The following WWP2 variants were observed in gnomAD, a reference collection of about 807,000 sequenced individuals.
WWP2 encodes NEDD4-like E3 ubiquitin-protein ligase WWP2.
A neutral mutation model predicts 121.0 loss-of-function variants in WWP2; 57 were observed. The ratio of observed to expected loss-of-function variants is 0.47; its 90% CI spans 0.38 to 0.59. WWP2 has a LOEUF of 0.59. Among genes scored for constraint, WWP2 ranks in the 20% least tolerant of loss-of-function variants. WWP2 has a pLI of 0.00. For synonymous variants in WWP2, 449 were observed against 441.3 expected (o/e 1.02, Z -0.22); for missense variants, 962 against 1,158.9 (o/e 0.83, Z 2.47).
chr16:69,826,664 G>A (rs901380017), intron 4 of WWP2, among the ~76,000 whole-genome samples: 5 of 149,692 alleles, frequency 3.3e-5, no homozygotes, highest in African/African-American at 1.2e-4. Context: ...TGGATCACGA[G>A]GTCAGGAGAT....
At chr16:69,790,360 G>A (rs1386692250) in intron 2 of WWP2, among the ~76,000 whole-genome samples, 1 of 152,066 alleles carries the variant, frequency 6.6e-6, no homozygotes, top group Non-Finnish European at 1.5e-5. Flanking sequence ...TCATAAGGAG[G>A]AAAAAAATTT....
intron 4 of WWP2, among the ~76,000 whole-genome samples, chr16:69,839,816 C>G (rs941067145): frequency 1.3e-5 from 2 of 152,186 alleles, no homozygotes; most frequent in Non-Finnish European, 2.9e-5. Flanking sequence ...ATCAATATCC[C>G]TATGCTTTTC....
intron 2 of WWP2, among the ~76,000 whole-genome samples, chr16:69,798,163 G>T (rs951822761): frequency 2.6e-5 from 4 of 152,176 alleles, no homozygotes; most frequent in African/African-American, 9.7e-5. Flanking sequence ...ACCTTTCTTG[G>T]AAAGGAATGG....
intron 6 of WWP2, among the ~76,000 whole-genome samples, chr16:69,853,825 G>T (rs2057263083): frequency 6.6e-6 from 1 of 152,210 alleles, no homozygotes; most frequent in Non-Finnish European, 1.5e-5. Context: ...CTACTGTGCT[G>T]TCATTCATGG....
At chr16:69,908,321 A>T (rs372849011) in intron 8 of WWP2, among the ~76,000 whole-genome samples, 13 of 152,142 alleles carry the variant, frequency 8.5e-5, no homozygotes, top group African/African-American at 3.1e-4. Context: ...GGGCCTATAG[A>T]TGATCTTGTG....
rs990323747 is a variant in WWP2 at position 69,925,602 on chromosome 16, T to C, written c.1234+118T>C. ...CCCTCTGTTTTCCATCTCTCCCCTC[T>C]CCAGCACACTCTCTGGGCATGCCCC... On this transcript the variant is annotated intron_variant, in intron 11 of 23. Coordinates refer to ENST00000359154, the MANE Select transcript of WWP2 (RefSeq NM_001270454.2). This position sits in a 1 kb window ranked among gnomAD's most constrained non-coding sequence, Gnocchi z 4.0. The C allele has an allele frequency of 3.0e-6, 4 of 1,319,732 alleles. No homozygotes were observed. Among genetic ancestry groups the C allele is most frequent in the Non-Finnish European group, 4.1e-6 (4 of 966,556 alleles). The allele number at this position is 1,319,732 out of a possible 1,614,324, so 81.8% of individuals were successfully genotyped here. A position where few individuals can be genotyped will look rare whatever the true frequency, so the allele number is the denominator to read the frequency against.
intron 4 of WWP2, 116 bp from the exon 5 acceptor site, chr16:69,840,010 G>A (rs2151870653): frequency 6.9e-7 from 1 of 1,439,962 alleles, no homozygotes; most frequent in African/African-American, 1.4e-5. Flanking sequence ...GTGAAGATGT[G>A]GAGAAAGCAT....
Position 69,799,077 on chromosome 16 carries a change from C to A in WWP2, c.219-97C>A. 6.6e-7 allele frequency: 1 copy of A among 1,526,306 alleles called. No homozygotes were observed. The highest frequency in any genetic ancestry group is 1.8e-4 in the Middle Eastern group (1 of 5,632). 94.5% of individuals were successfully genotyped at this position (1,526,306 alleles called of 1,614,324 possible). A position where few individuals can be genotyped will look rare whatever the true frequency, so the allele number is the denominator to read the frequency against. On this transcript the variant is annotated intron_variant, in intron 3 of 23. Transcript: ENST00000359154. This position sits in a 1 kb window ranked among gnomAD's most constrained non-coding sequence, Gnocchi z 4.5. ...TGTGGGTGTCTGCCTGTTTTGGTTC[C>A]CCCTCCCCAAGATGTCAGCAGTTTA...
intron 13 of WWP2, 60 bp from the exon 14 acceptor site, chr16:69,931,092 G>C: frequency 6.4e-7 from 1 of 1,563,432 alleles, no homozygotes; most frequent in African/African-American, 1.4e-5. Context: ...GGCTGACAAA[G>C]ACAAATTGTT....
At chr16:69,820,281 T>C (rs1476800772) in intron 4 of WWP2, among the ~76,000 whole-genome samples, 1 of 152,112 alleles carries the variant, frequency 6.6e-6, no homozygotes, top group Non-Finnish European at 1.5e-5. Flanking sequence ...CTCACTCTGT[T>C]GCCCAGGCTG....
chr16:69,788,888 C>T (rs1162797279), intron 2 of WWP2, among the ~76,000 whole-genome samples: 1 of 152,132 alleles, frequency 6.6e-6, no homozygotes, highest in Non-Finnish European at 1.5e-5. Flanking sequence ...CATAGCTCTG[C>T]AGCCATCACA....
At chr16:69,808,052 C>A (rs1389808637) in intron 4 of WWP2, among the ~76,000 whole-genome samples, 1 of 152,194 alleles carries the variant, frequency 6.6e-6, no homozygotes, top group Non-Finnish European at 1.5e-5. Flanking sequence ...CAAGACATAG[C>A]ATATTTCTAG....
intron 8 of WWP2, among the ~76,000 whole-genome samples, chr16:69,889,111 T>G (rs2057980093): frequency 6.6e-6 from 1 of 151,920 alleles, no homozygotes; most frequent in African/African-American, 2.4e-5. Flanking sequence ...GCCAGGAGTT[T>G]GAGACCAGCC....
intron 2 of WWP2, among the ~76,000 whole-genome samples, chr16:69,797,806 T>C (rs1438411423): frequency 6.6e-6 from 1 of 152,086 alleles, no homozygotes; most frequent in Non-Finnish European, 1.5e-5. Flanking sequence ...GGAGAATTGC[T>C]TAACCTGGGA....
At chr16:69,938,981 G>A (rs371897307) in intron 21 of WWP2, 46 bp from the exon 22 acceptor site, 3 of 1,543,502 alleles carry the variant, frequency 1.9e-6, no homozygotes, top group Admixed American at 1.9e-5. Context: ...GCAAAGTACT[G>A]GGCCCCGTGG....
chr16:69,799,396 C>T lies in WWP2; in HGVS notation c.340+101C>T. ...CAATTTCCCCCAGGACTAGGGGCTGCAGTACCTCTGTTCTCCTTGGATGCT... is the reference window on the plus strand; with the variant it reads ...CAATTTCCCCCAGGACTAGGGGCTGTAGTACCTCTGTTCTCCTTGGATGCT... On this transcript the variant is annotated intron_variant, in intron 4 of 23. Transcript: ENST00000359154. The surrounding 1 kb of genome is among the most constrained non-coding windows in gnomAD (Gnocchi z 4.5). 5 of 1,466,500 alleles carry T rather than the reference C, an allele frequency of 3.4e-6. No homozygotes were observed. The highest frequency in any genetic ancestry group is 4.6e-6 in the Non-Finnish European group (5 of 1,095,074). The allele number at this position is 1,466,500 out of a possible 1,614,324, so 90.8% of individuals were successfully genotyped here. A position where few individuals can be genotyped will look rare whatever the true frequency, so the allele number is the denominator to read the frequency against.
intron 8 of WWP2, among the ~76,000 whole-genome samples, chr16:69,906,700 A>G (rs1449505202): frequency 2.0e-5 from 3 of 152,080 alleles, no homozygotes; most frequent in Non-Finnish European, 4.4e-5. Context: ...GCCTGGGCAA[A>G]GCAAGACCCT....
intron 4 of WWP2, among the ~76,000 whole-genome samples, chr16:69,837,747 C>T (rs2056902256): frequency 6.6e-6 from 1 of 152,204 alleles, no homozygotes; most frequent in Non-Finnish European, 1.5e-5. Context: ...CCTCAGCACG[C>T]TTCCAATAGC....
At chr16:69,856,296 C>T (rs2057311220) in intron 6 of WWP2, among the ~76,000 whole-genome samples, 2 of 151,914 alleles carry the variant, frequency 1.3e-5, no homozygotes, top group South Asian at 4.2e-4. Context: ...GATGTGGGGG[C>T]ATTGGAGGAG....
Sources: allele counts gnomAD v4.1 joint callset (sites outside exome capture counted in the v4.1 genomes callset), GRCh38; gene constraint gnomAD v4.1.1; non-coding constraint Gnocchi (gnomAD v3.1); transcripts MANE v1.5; gene names NCBI Gene and HGNC (gene_info 2026-07-23, HGNC 2026-07-21).